Variants in HIF3A observed in about 807,000 individuals in gnomAD.
The protein encoded by HIF3A is hypoxia inducible factor 3 subunit alpha, also known as hypoxia-inducible factor 3-alpha.
In HIF3A, 41 loss-of-function variants were observed where a neutral mutation model predicts 67.2. The observed-to-expected ratio is 0.61, with a 90% confidence interval of 0.48 to 0.79. The LOEUF (loss-of-function observed/expected upper bound fraction) is 0.79, where lower values mean the gene tolerates loss of function less well. Ranked by LOEUF, HIF3A falls within the 30% of genes least tolerant of loss-of-function variation. The pLI is 0.00. For missense variants in HIF3A, 855 were observed against 898.0 expected, an observed-to-expected ratio of 0.95 and a Z score of 0.61; for synonymous variants, 356 against 374.8, an observed-to-expected ratio of 0.95 and a Z score of 0.58.
At chr19:46,309,433 TTC>T (rs1178531512) in intron 6 of HIF3A, 74 bp downstream of exon 6, 5 of 848,464 alleles carry the variant, frequency 5.9e-6, no homozygotes, top group African/African-American at 1.7e-5. Flanking sequence ...ACTCCCGCAT[TTC>T]TCTCTCTCCT....
At chr19:46,318,442 C>CA (rs1291505907) in intron 8 of HIF3A, among the ~76,000 whole-genome samples, 2 of 145,690 alleles carry the variant, frequency 1.4e-5, no homozygotes, top group East Asian at 4.5e-4. Flanking sequence ...CCCAGCTACT[C>CA]AGGAGGCTGA....
Position 46,304,176 on chromosome 19 carries a change from G to T in HIF3A, c.217+88G>T. The T allele has an allele frequency of 2.4e-6, 3 of 1,226,590 alleles. No individual in the cohort carries two copies. The South Asian group carries it at 4.2e-5, about 17-fold the overall frequency. 76.0% of individuals were successfully genotyped at this position (1,226,590 alleles called of 1,614,324 possible). A position where few individuals can be genotyped will look rare whatever the true frequency, so the allele number is the denominator to read the frequency against. On this transcript the variant is annotated intron_variant, in intron 2 of 14. Coordinates refer to ENST00000377670, the MANE Select transcript of HIF3A (RefSeq NM_152795.4). ...CCCAGGGAGGCCCCTCCTCCGGGAA[G>T]CCTTATTCTGACAAAGCCCCGCCCC...
At chr19:46,317,075 C>T (rs1448652067) in intron 8 of HIF3A, among the ~76,000 whole-genome samples, 1 of 152,150 alleles carries the variant, frequency 6.6e-6, no homozygotes, top group African/African-American at 2.4e-5. Flanking sequence ...TGCGCACTAC[C>T]ATGCCTAATT....
chr19:46,324,457 AC>A (rs1164985586), intron 10 of HIF3A, among the ~76,000 whole-genome samples: 1 of 152,148 alleles, frequency 6.6e-6, no homozygotes, highest in Admixed American at 6.5e-5. Context: ...ACAGACTGTG[AC>A]CTTTGACCTC....
In HIF3A at chr19:46,308,925, G is replaced by A. The variant is rs1039010265; in HGVS notation, c.561+150G>A. 2.2e-5 allele frequency: 15 copies of A among 669,302 alleles called. No individual in the cohort carries two copies. In the Admixed American group the frequency reaches 2.3e-4, roughly 10 times the overall value. 41.5% of individuals were successfully genotyped at this position (669,302 alleles called of 1,614,324 possible). On this transcript the variant is annotated intron_variant, in intron 5 of 14. Coordinates refer to ENST00000377670, the MANE Select transcript of HIF3A (RefSeq NM_152795.4). ...CAGGTCTAGCGGGTCTCAGGGCATC[G>A]AGGAGCATGGGTGTCTGTGGAGTTG... is the stretch of plus-strand genomic sequence containing the variant.
At position 46,315,212 on chromosome 19, in the gene HIF3A, G is replaced by A. The variant is rs573789156; in HGVS notation, c.1025+2559G>A. Among the ~76,000 whole-genome samples, 41 of 146,220 alleles carry A rather than the reference G, an allele frequency of 2.8e-4. 3 individuals are homozygous for A. Among genetic ancestry groups the A allele is most frequent in the South Asian group, 1.4e-3 (6 of 4,436 alleles). On this transcript the variant is annotated intron_variant, in intron 8 of 14. Transcript: ENST00000377670. ...CTCCTGAGTGGCTGGGATTATAGGC[G>A]CGCACCAACACGCCCAGCTAATTTT...
intron 11 of HIF3A, among the ~76,000 whole-genome samples, chr19:46,326,620 T>A (rs1263857309): frequency 6.6e-6 from 1 of 152,160 alleles, no homozygotes; most frequent in Non-Finnish European, 1.5e-5. Flanking sequence ...AATCTGATCA[T>A]CTGAATCTGG....
rs766442059 is a variant in HIF3A, at chr19:46,309,375, C to G, written c.770+16C>G. ...GTGACGACAGGTGGGCAGGGGCCCCCTCTTCCGTCTGCCCAAGTTCAAGTG... is the reference window on the plus strand; with the variant it reads ...GTGACGACAGGTGGGCAGGGGCCCCGTCTTCCGTCTGCCCAAGTTCAAGTG... On this transcript the variant is annotated intron_variant, in intron 6 of 14. Coordinates refer to ENST00000377670, the MANE Select transcript of HIF3A (RefSeq NM_152795.4). 3.1e-5 allele frequency: 48 copies of G among 1,565,206 alleles called. No homozygotes were observed. Among genetic ancestry groups the G allele is most frequent in the Non-Finnish European group, 4.2e-5 (48 of 1,153,292 alleles).
At chr19:46,330,416 A>C (rs145702586) in intron 12 of HIF3A, among the ~76,000 whole-genome samples, 6 of 152,106 alleles carry the variant, frequency 3.9e-5, no homozygotes, top group African/African-American at 1.2e-4. Flanking sequence ...GGATTGATGG[A>C]TGGGTCAATG....
At chr19:46,336,347 C>T (rs1971618074) in intron 14 of HIF3A, among the ~76,000 whole-genome samples, 1 of 151,822 alleles carries the variant, frequency 6.6e-6, no homozygotes, top group Admixed American at 6.6e-5. Context: ...CCACCTCGGC[C>T]TCCCAGAGTG....
chr19:46,338,810 G>A (rs1601390303), intron 14 of HIF3A, among the ~76,000 whole-genome samples: 1 of 152,014 alleles, frequency 6.6e-6, no homozygotes, highest in Non-Finnish European at 1.5e-5. Flanking sequence ...CTCTGGACTC[G>A]GGTTCTTCAC....
intron 8 of HIF3A, among the ~76,000 whole-genome samples, chr19:46,316,767 C>T (rs1238798219): frequency 1.4e-5 from 2 of 146,866 alleles, no homozygotes; most frequent in African/African-American, 5.1e-5. Context: ...CAGACCACTG[C>T]ACTCCAGCCT....
rs908034413 is a variant in HIF3A at position 46,315,223 on chromosome 19, C to T, written c.1025+2570C>T. ...CTGGGATTATAGGCGCGCACCAACA[C>T]GCCCAGCTAATTTTTATATTTTTAA... is the stretch of plus-strand genomic sequence containing the variant. On this transcript the variant is annotated intron_variant, in intron 8 of 14. Transcript: ENST00000377670. Among the ~76,000 whole-genome samples the T allele has an allele frequency of 2.7e-5, 4 of 145,886 alleles. 1 individual carries two copies. The highest frequency in any genetic ancestry group is 2.3e-4 in the East Asian group (1 of 4,270).
At chr19:46,312,396 A>G (rs781112675) in intron 7 of HIF3A, 110 bp from the exon 8 acceptor site, 8 of 1,589,842 alleles carry the variant, frequency 5.0e-6, no homozygotes, top group Admixed American at 1.7e-5. Context: ...CCTGCTCCCC[A>G]AGCCCCAAGG....
intron 12 of HIF3A, among the ~76,000 whole-genome samples, chr19:46,329,896 G>C (rs1378479198): frequency 1.3e-5 from 2 of 151,248 alleles, no homozygotes; most frequent in Non-Finnish European, 2.9e-5. Flanking sequence ...AGGAGATCGA[G>C]GCTGCAGCGA....
intron 8 of HIF3A, chr19:46,313,272 A>T: frequency 1.0e-6 from 1 of 973,068 alleles, no homozygotes; most frequent in Non-Finnish European, 1.2e-6. Flanking sequence ...CAAACAAACA[A>T]ACAAAAGGAC....
chr19:46,337,216 T>G (rs1040810328), intron 14 of HIF3A, among the ~76,000 whole-genome samples: 8 of 151,790 alleles, frequency 5.3e-5, no homozygotes, highest in African/African-American at 1.9e-4. Context: ...GAACAGCAAG[T>G]GCAAAGGCCC....
At chr19:46,298,540 TC>T in intron 1 of HIF3A, 1 of 1,248,588 alleles carries the variant, frequency 8.0e-7, no homozygotes, top group Non-Finnish European at 1.0e-6. Context: ...ACACCTCCTT[TC>T]CCCCTTCCCT....
In HIF3A at chr19:46,308,788, G is replaced by A. The variant is rs200803726; in HGVS notation, c.561+13G>A. Reference sequence around the variant, plus strand: ...GGCCACCTGGAAGGTGCGTGGGGCCGGGCCAGAGGAGGGCGGGGACGCTGG... The same window carrying A: ...GGCCACCTGGAAGGTGCGTGGGGCCAGGCCAGAGGAGGGCGGGGACGCTGG... On this transcript the variant is annotated intron_variant, in intron 5 of 14. Coordinates refer to ENST00000377670, the MANE Select transcript of HIF3A (RefSeq NM_152795.4). The A allele has an allele frequency of 6.1e-3, 9,514 of 1,552,592 alleles. 57 individuals are homozygous for A. The highest frequency in any genetic ancestry group is 7.3e-3 in the Middle Eastern group (42 of 5,754).
Sources: allele counts gnomAD v4.1 joint callset (sites outside exome capture counted in the v4.1 genomes callset), GRCh38; gene constraint gnomAD v4.1.1; transcripts MANE v1.5; gene names NCBI Gene and HGNC (gene_info 2026-07-23, HGNC 2026-07-21).